Variants in XAF1 observed in about 807,000 individuals in gnomAD.
XAF1 encodes XIAP associated factor 1, also known as XIAP-associated factor 1.
In XAF1, 32 loss-of-function variants were observed where a neutral mutation model predicts 32.3. The observed-to-expected ratio is 0.99, with a 90% CI of 0.75 to 1.33. The LOEUF is 1.33. Among genes scored for constraint, XAF1 ranks in the 40% most tolerant of loss-of-function variants. The probability of loss-of-function intolerance (pLI) is 0.00; values close to 1 mark genes in which losing one functional copy is unlikely to be tolerated. For missense variants in XAF1, 379 were observed against 366.0 expected (o/e 1.04, Z -0.29); for synonymous variants, 120 against 125.9 (o/e 0.95, Z 0.31).
At chr17:6,769,363 GTA>G (rs766907681) in intron 5 of XAF1, among the ~76,000 whole-genome samples, 2 of 151,754 alleles carry the variant, frequency 1.3e-5, no homozygotes, top group Non-Finnish European at 1.5e-5. Context: ...ATCCCACAAT[GTA>G]TATATATATT....
chr17:6,761,925 T>A, intron 4 of XAF1: 1 of 1,509,374 alleles, frequency 6.6e-7, no homozygotes, highest in Middle Eastern at 1.7e-4. Context: ...TCCATTACGG[T>A]TGCTGCTGCC....
At chr17:6,761,193 C>T (rs1597725999) in intron 4 of XAF1, among the ~76,000 whole-genome samples, 2 of 152,012 alleles carry the variant, frequency 1.3e-5, no homozygotes, top group Admixed American at 6.5e-5. Flanking sequence ...TCCTAGGAAA[C>T]AGGAGGCTTT....
At chr17:6,767,742 G>A (rs28575137) in intron 5 of XAF1, among the ~76,000 whole-genome samples, 6 of 130,462 alleles carry the variant, frequency 4.6e-5, no homozygotes, top group African/African-American at 2.7e-4. Flanking sequence ...TACTACTGCT[G>A]CTGCTGCTGC....
At chr17:6,767,780 A>T (rs1453462547) in intron 5 of XAF1, among the ~76,000 whole-genome samples, 1 of 149,926 alleles carries the variant, frequency 6.7e-6, no homozygotes, top group Non-Finnish European at 1.5e-5. Flanking sequence ...TCTCCCTTGT[A>T]TTCTATTGGA....
rs1337121489 is a variant in XAF1, at chr17:6,759,891, T to A, written c.225+173T>A. 6 of 1,104,620 alleles carry A rather than the reference T, an allele frequency of 5.4e-6. 1 individual carries two copies. In the South Asian group the frequency reaches 7.5e-5, roughly 14 times the overall value. The allele number at this position is 1,104,620 out of a possible 1,614,324, so 68.4% of individuals were successfully genotyped here. A position where few individuals can be genotyped will look rare whatever the true frequency, so the allele number is the denominator to read the frequency against. On this transcript the variant is annotated intron_variant, in intron 3 of 6. Coordinates refer to ENST00000361842, the MANE Select transcript of XAF1 (RefSeq NM_017523.5). The stretch of plus-strand genomic sequence containing the variant: ...CCACCGCATAACACAGGTTCTCCTG[T>A]CCCCCAGATACTGATCAGAAGGGTT...
At position 6,774,397 on chromosome 17, in the gene XAF1, C is replaced by T. The variant is rs1976282410; in HGVS notation, c.*1228C>T. 6.6e-6 allele frequency: 1 copy of T among 152,190 alleles called. No individual in the cohort carries two copies. The highest frequency in any genetic ancestry group is 1.5e-5 in the Non-Finnish European group (1 of 68,042). The allele number at this position is 152,190 out of a possible 1,614,324, so 9.4% of individuals were successfully genotyped here. A position where few individuals can be genotyped will look rare whatever the true frequency, so the allele number is the denominator to read the frequency against. On this transcript the variant is annotated 3_prime_UTR_variant, in exon 7 of 7. Transcript: ENST00000361842. The stretch of plus-strand genomic sequence containing the variant: ...GGATTGAAACTGAACCACTTCCTTA[C>T]ACCATATGCAAAAATCAACTCAAGA...
Position 6,762,226 on chromosome 17 carries a change from T to A in XAF1, c.493T>A (p.Tyr165Asn). 3.1e-6 allele frequency: 5 copies of A among 1,612,462 alleles called. No individual in the cohort carries two copies. The highest frequency in any genetic ancestry group is 4.2e-6 in the Non-Finnish European group (5 of 1,179,366). ...CAACCAAATGATTCCAGAAAATAAG[T>A]ATTTCCACCATATGGTGAGTAGCAC... ...YCNQMIPENK[Y>N]FHHMGKCCPD... The change falls in exon 5 of 7, where the codon TAT becomes AAT. Residue 165 changes from tyrosine to asparagine, a missense_variant. Physicochemically the swap from Tyr to Asn is moderately radical, Grantham distance 143. Transcript: ENST00000361842.
Position 6,774,127 on chromosome 17 carries a change from C to G in XAF1, c.*958C>G, listed in dbSNP as rs146532827. 1 of 152,138 alleles carries G rather than the reference C, an allele frequency of 6.6e-6. No homozygotes were observed. Among genetic ancestry groups the G allele is most frequent in the Non-Finnish European group, 1.5e-5 (1 of 68,014 alleles). 9.4% of individuals were successfully genotyped at this position (152,138 alleles called of 1,614,324 possible). ...GCAAAAAGAACAAAGCTGGAGGCAT[C>G]GCATTACCCAACTTCAAACTATACT... On this transcript the variant is annotated 3_prime_UTR_variant, in exon 7 of 7. Coordinates refer to ENST00000361842, the MANE Select transcript of XAF1 (RefSeq NM_017523.5).
At chr17:6,763,634 C>G (rs1428595251) in intron 5 of XAF1, among the ~76,000 whole-genome samples, 5 of 150,198 alleles carry the variant, frequency 3.3e-5, no homozygotes, top group Admixed American at 1.3e-4. Context: ...TTTTGTTTCT[C>G]TACTTGTTGG....
At position 6,767,384 on chromosome 17, in the gene XAF1, G is replaced by A. The variant is rs559191110; in HGVS notation, c.508-3259G>A. ...GCAAAGGTTGATTTCTTTGAAATCA[G>A]CCGAAGAAGATTACAAGCAAAGGAA... On this transcript the variant is annotated intron_variant, in intron 5 of 6. Coordinates refer to ENST00000361842, the MANE Select transcript of XAF1 (RefSeq NM_017523.5). Among the ~76,000 whole-genome samples the A allele has an allele frequency of 2.5e-3, 376 of 152,254 alleles. 3 individuals are homozygous for A. Among genetic ancestry groups the A allele is most frequent in the African/African-American group, 8.7e-3 (361 of 41,548 alleles).
At chr17:6,756,268 T>A in intron 1 of XAF1, 158 bp downstream of exon 1, 4 of 1,373,500 alleles carry the variant, frequency 2.9e-6, no homozygotes, top group Non-Finnish European at 1.9e-6. Context: ...TAGGAGGGTT[T>A]AAACTTGGTA....
chr17:6,759,629 G>GGTGTGTGTGT lies in XAF1; in HGVS notation c.169-14_169-5dup, dbSNP rs3833979. ...CTGGGTGCTGGGTGGACCCACATCTGGTGTGTGTGTGTGTGTGTGTGTGTG... is the reference window on the plus strand; with the variant it reads ...CTGGGTGCTGGGTGGACCCACATCTGGTGTGTGTGTGTGTGTGTGTGTGTGTGTGTGTGTG... On this transcript the variant is annotated intron_variant, in intron 2 of 6. Coordinates refer to ENST00000361842, the MANE Select transcript of XAF1 (RefSeq NM_017523.5). 7.2e-4 allele frequency: 1,089 copies of GGTGTGTGTGT among 1,512,308 alleles called. 6 individuals are homozygous for GGTGTGTGTGT. The African/African-American group carries it at 0.013, about 18-fold the overall frequency. The allele number at this position is 1,512,308 out of a possible 1,614,324, so 93.7% of individuals were successfully genotyped here.
At chr17:6,759,928 A>G in intron 3 of XAF1, 1 of 814,214 alleles carries the variant, frequency 1.2e-6, no homozygotes. Flanking sequence ...TCCATGGTCC[A>G]TGAGTCCATC....
intron 5 of XAF1, among the ~76,000 whole-genome samples, chr17:6,763,047 A>G (rs933103355): frequency 2.0e-5 from 3 of 152,352 alleles, no homozygotes; most frequent in East Asian, 3.9e-4. Context: ...TACATTCACA[A>G]TGTTGTGCAA....
At chr17:6,770,487 C>T (rs1242917708) in intron 5 of XAF1, among the ~76,000 whole-genome samples, 156 bp from the exon 6 acceptor site, 1 of 152,190 alleles carries the variant, frequency 6.6e-6, no homozygotes, top group African/African-American at 2.4e-5. Context: ...TCTTTCTTTC[C>T]TGCAAAGCCA....
chr17:6,759,776 G>A, intron 3 of XAF1, 58 bp downstream of exon 3: 1 of 1,613,234 alleles, frequency 6.2e-7, no homozygotes, highest in Non-Finnish European at 8.5e-7. Context: ...GAGAAAAGGA[G>A]AGGAAGGGGA....
chr17:6,763,777 T>A (rs376958168), intron 5 of XAF1, among the ~76,000 whole-genome samples: 91 of 152,292 alleles, frequency 6.0e-4, no homozygotes, highest in African/African-American at 1.9e-3. Flanking sequence ...AAATGCTAAA[T>A]CAGAATATGC....
At chr17:6,756,161 G>A (rs1453205053) in intron 1 of XAF1, 51 bp downstream of exon 1, 8 of 1,612,904 alleles carry the variant, frequency 5.0e-6, no homozygotes, top group East Asian at 2.2e-5. Context: ...AGGGAGAGAC[G>A]TAGACGACAT....
chr17:6,767,365 G>C (rs896407756), intron 5 of XAF1, among the ~76,000 whole-genome samples: 1 of 152,146 alleles, frequency 6.6e-6, no homozygotes, highest in South Asian at 2.1e-4. Context: ...AAAGGCAAAG[G>C]TTGATTTCTT....
Sources: gnomAD v4.1 joint callset for allele counts (sites outside exome capture counted in the v4.1 genomes callset) on GRCh38, gnomAD v4.1.1 for gene constraint, MANE v1.5 for transcripts, NCBI Gene and HGNC (gene_info 2026-07-23, HGNC 2026-07-21) for gene names.